The following AGBL4 variants were observed in gnomAD, a reference collection of about 807,000 sequenced individuals.
AGBL4 encodes cytosolic carboxypeptidase 6.
A neutral mutation model predicts 66.4 loss-of-function variants in AGBL4; 58 were observed. That is an observed-to-expected ratio of 0.87 (90% confidence interval 0.71 to 1.09). AGBL4 has a LOEUF of 1.09. Ranked by LOEUF, AGBL4 falls within the 50% of genes least tolerant of loss-of-function variation. The pLI is 0.00. For missense variants in AGBL4, 579 were observed against 631.0 expected (o/e 0.92, Z 0.88); for synonymous variants, 234 against 222.9 (o/e 1.05, Z -0.44).
intron 1 of AGBL4, among the ~76,000 whole-genome samples, chr1:49,886,504 G>T (rs1041503542): frequency 2.0e-5 from 3 of 152,120 alleles, no homozygotes; most frequent in Non-Finnish European, 4.4e-5. Flanking sequence ...AAAAAATAAA[G>T]CAAGGCAGTG....
intron 5 of AGBL4, among the ~76,000 whole-genome samples, chr1:48,960,310 G>A (rs1657858186): frequency 6.6e-6 from 1 of 152,132 alleles, no homozygotes; most frequent in Non-Finnish European, 1.5e-5. Context: ...TTGGGGAAGT[G>A]GTTTGGGGGA....
chr1:49,172,906 A>C (rs1646764831), intron 4 of AGBL4, among the ~76,000 whole-genome samples: 1 of 152,112 alleles, frequency 6.6e-6, no homozygotes, highest in South Asian at 2.1e-4. Flanking sequence ...TGGGCAAATC[A>C]TCTGGGGTTG....
chr1:48,939,751 C>T (rs941494344), intron 5 of AGBL4, among the ~76,000 whole-genome samples: 4 of 152,220 alleles, frequency 2.6e-5, no homozygotes, highest in African/African-American at 9.7e-5. Flanking sequence ...CAGGTTTGCT[C>T]TCCTTCTTCA....
rs767318243 is a variant in AGBL4 at position 49,693,882 on chromosome 1, T to G, written c.282+3431A>C. On this transcript the variant is annotated intron_variant, in intron 3 of 13. Coordinates refer to ENST00000371839, the MANE Select transcript of AGBL4 (RefSeq NM_032785.4). ...TTCCACTAAGAATATTTAATATCAG[T>G]TTTTTAGAGAGAAAATCACCTTTCC... Among the ~76,000 whole-genome samples the G allele has an allele frequency of 4.1e-4, 63 of 152,216 alleles. 1 individual carries two copies. Among genetic ancestry groups the G allele is most frequent in the Admixed American group, 1.2e-3 (19 of 15,288 alleles).
At chr1:48,716,006 G>C (rs1647044293) in intron 6 of AGBL4, among the ~76,000 whole-genome samples, 1 of 152,142 alleles carries the variant, frequency 6.6e-6, no homozygotes. Flanking sequence ...CAGGGCCAAG[G>C]CAACAGCCAT....
intron 2 of AGBL4, among the ~76,000 whole-genome samples, chr1:49,704,865 T>C (rs149083782): frequency 0.03 from 4,607 of 152,326 alleles, 122 homozygotes; most frequent in Non-Finnish European, 0.048. Flanking sequence ...GGTACTGTGA[T>C]GCCTCCAGCT....
At position 49,881,388 on chromosome 1, in the gene AGBL4, C is replaced by T. The variant is rs573478014; in HGVS notation, c.35-29870G>A. 5.3e-5 allele frequency among the ~76,000 whole-genome samples: 8 copies of T among 152,236 alleles called. No homozygotes were observed. The South Asian group carries it at 8.3e-4, about 16-fold the overall frequency. On this transcript the variant is annotated intron_variant, in intron 1 of 13. Coordinates refer to ENST00000371839, the MANE Select transcript of AGBL4 (RefSeq NM_032785.4). ...TTACAGCAGCATGATTTATAGTCCTCTGGGTATATACCCAGTAATGGGATG... is the reference window on the plus strand; with the variant it reads ...TTACAGCAGCATGATTTATAGTCCTTTGGGTATATACCCAGTAATGGGATG...
intron 3 of AGBL4, among the ~76,000 whole-genome samples, chr1:49,566,569 A>C (rs1013811147): frequency 1.3e-5 from 2 of 152,136 alleles, no homozygotes; most frequent in Non-Finnish European, 2.9e-5. Context: ...TCCACTCCAG[A>C]CCCTGTTTGC....
intron 1 of AGBL4, among the ~76,000 whole-genome samples, chr1:49,930,211 T>A (rs928439081): frequency 7.9e-5 from 12 of 152,042 alleles, no homozygotes; most frequent in African/African-American, 2.9e-4. Context: ...TTTGACAAAT[T>A]AGGTAAAATT....
At chr1:48,849,913 C>T (rs575601469) in intron 6 of AGBL4, among the ~76,000 whole-genome samples, 2 of 152,152 alleles carry the variant, frequency 1.3e-5, no homozygotes, top group Non-Finnish European at 2.9e-5. Flanking sequence ...GCAGAGGTTG[C>T]TGTGAGCCGA....
chr1:48,865,238 T>C (rs957786355), intron 6 of AGBL4, among the ~76,000 whole-genome samples: 4 of 152,124 alleles, frequency 2.6e-5, no homozygotes, highest in African/African-American at 9.7e-5. Flanking sequence ...CCTTTTGACA[T>C]GGAATAGAGT....
At chr1:49,141,799 T>C (rs1000504513) in intron 4 of AGBL4, among the ~76,000 whole-genome samples, 1 of 152,170 alleles carries the variant, frequency 6.6e-6, no homozygotes, top group African/African-American at 2.4e-5. Flanking sequence ...TGCATCAGAA[T>C]GTAACACGAT....
At chr1:49,043,172 C>T (rs1306150981) in intron 5 of AGBL4, among the ~76,000 whole-genome samples, 1 of 152,162 alleles carries the variant, frequency 6.6e-6, no homozygotes. Context: ...ACCAGGTGCA[C>T]TTAATGTATT....
chr1:49,126,207 G>A (rs1371505295), intron 4 of AGBL4, among the ~76,000 whole-genome samples: 3 of 152,108 alleles, frequency 2.0e-5, no homozygotes, highest in African/African-American at 4.8e-5. Flanking sequence ...AGGACCCCAC[G>A]TGTTGGGAAT....
chr1:49,126,055 C>T (rs935181929), intron 4 of AGBL4, among the ~76,000 whole-genome samples: 1 of 152,048 alleles, frequency 6.6e-6, no homozygotes, highest in Non-Finnish European at 1.5e-5. Context: ...CTGAAGAGAC[C>T]CACCTAAGCT....
intron 11 of AGBL4, among the ~76,000 whole-genome samples, chr1:48,552,159 GTTCAAGTGA>G (rs1644258293): frequency 6.6e-6 from 1 of 152,122 alleles, no homozygotes; most frequent in Non-Finnish European, 1.5e-5. Flanking sequence ...CGCCTCCTGG[GTTCAAGTGA>G]TTCTCCTGCC....
intron 11 of AGBL4, among the ~76,000 whole-genome samples, chr1:48,540,068 A>G (rs1336629160): frequency 6.6e-6 from 1 of 152,172 alleles, no homozygotes; most frequent in African/African-American, 2.4e-5. Context: ...AGCCCTTTGG[A>G]AATCACTGGG....
Position 49,573,146 on chromosome 1 carries a change from CTGTGTGTGTGTGTGTGTGTG to C in AGBL4, c.282+124147_282+124166del, listed in dbSNP as rs57980631. On this transcript the variant is annotated intron_variant, in intron 3 of 13. Coordinates refer to ENST00000371839, the MANE Select transcript of AGBL4 (RefSeq NM_032785.4). ...TATATGTGTGTCTGTGTGTGTGTGT[CTGTGTGTGTGTGTGTGTGTG>C]TGTGTGTGTGTGTGTGTGTGTGTAT... Among the ~76,000 whole-genome samples the C allele has an allele frequency of 9.9e-4, 135 of 136,680 alleles. No individual in the cohort carries two copies. In the South Asian group the frequency reaches 0.032, roughly 33 times the overall value. 89.7% of individuals were successfully genotyped at this position (136,680 alleles called of 152,430 possible).
At chr1:49,469,672 A>C (rs1646702484) in intron 3 of AGBL4, 1 of 151,876 alleles carries the variant, frequency 6.6e-6, no homozygotes, top group African/African-American at 2.4e-5. Flanking sequence ...AAGTTTGTAA[A>C]ATGAAATTTA....
Sources: allele counts gnomAD v4.1 joint callset (sites outside exome capture counted in the v4.1 genomes callset), GRCh38; gene constraint gnomAD v4.1.1; transcripts MANE v1.5; gene names NCBI Gene and HGNC (gene_info 2026-07-23, HGNC 2026-07-21).